Variants in SPIDR observed in about 807,000 individuals in gnomAD.
SPIDR encodes scaffold protein involved in DNA repair, also known as DNA repair-scaffolding protein.
SPIDR carries 93 observed loss-of-function variants against 104.6 expected under a neutral mutation model. The ratio of observed to expected loss-of-function variants is 0.89; its 90% confidence interval spans 0.75 to 1.06. The LOEUF is 1.06. Ranked by LOEUF, SPIDR falls within the 50% of genes least tolerant of loss-of-function variation. The probability of loss-of-function intolerance (pLI) is 0.00; values close to 1 mark genes in which losing one functional copy is unlikely to be tolerated. For missense variants in SPIDR, 1,154 were observed against 1,111.2 expected (o/e 1.04, Z -0.55); for synonymous variants, 431 against 416.9 (o/e 1.03, Z -0.41).
chr8:47,322,225 A>G (rs2046779703), intron 5 of SPIDR, among the ~76,000 whole-genome samples: 1 of 152,228 alleles, frequency 6.6e-6, no homozygotes, highest in African/African-American at 2.4e-5. Context: ...CAGAATCTAC[A>G]ATGAGCTCCA....
In SPIDR at chr8:47,274,869, C is replaced by T. The variant is rs1183224281; in HGVS notation, c.34-4993C>T. ...GATTACAGGCATGAGCCACCGCGCC[C>T]GGCCTAGAACAGTTTTAAACAATTG... On this transcript the variant is annotated intron_variant, in intron 1 of 19. Coordinates refer to ENST00000297423, the MANE Select transcript of SPIDR (RefSeq NM_001080394.4). Among the ~76,000 whole-genome samples, 12 of 151,516 alleles carry T rather than the reference C, an allele frequency of 7.9e-5. No individual in the cohort carries two copies. The East Asian group carries it at 9.8e-4, about 12-fold the overall frequency.
intron 11 of SPIDR, among the ~76,000 whole-genome samples, chr8:47,690,646 C>CCG (rs2078507154): frequency 6.6e-6 from 1 of 151,868 alleles, no homozygotes; most frequent in African/African-American, 2.4e-5. Flanking sequence ...TGGAGAAACT[C>CCG]CATCTCTACT....
chr8:47,675,691 C>G (rs2076343921), intron 11 of SPIDR, among the ~76,000 whole-genome samples: 1 of 152,192 alleles, frequency 6.6e-6, no homozygotes, highest in African/African-American at 2.4e-5. Context: ...TGGCACATGC[C>G]TGTAGTCCCA....
At chr8:47,722,723 C>T (rs1216030282) in intron 16 of SPIDR, among the ~76,000 whole-genome samples, 1 of 152,022 alleles carries the variant, frequency 6.6e-6, no homozygotes, top group Non-Finnish European at 1.5e-5. Context: ...AGTTGAGTAT[C>T]CCATATCCGA....
chr8:47,338,775 A>G (rs933037146), intron 5 of SPIDR, among the ~76,000 whole-genome samples: 1 of 152,230 alleles, frequency 6.6e-6, no homozygotes, highest in Non-Finnish European at 1.5e-5. Context: ...TTATTTATAC[A>G]TAAAGAGGCC....
chr8:47,518,317 C>T (rs1208261140), intron 8 of SPIDR, among the ~76,000 whole-genome samples: 1 of 152,198 alleles, frequency 6.6e-6, no homozygotes, highest in African/African-American at 2.4e-5. Context: ...GAACCTGCTG[C>T]TCCATTTAAT....
intron 8 of SPIDR, 116 bp from the exon 9 acceptor site, chr8:47,595,695 T>C (rs1196734918): frequency 2.2e-6 from 2 of 916,268 alleles, no homozygotes; most frequent in Non-Finnish European, 3.4e-6. Flanking sequence ...GTGGGTGGGC[T>C]TGGCTTTAGC....
At chr8:47,387,291 A>G (rs2060070319) in intron 5 of SPIDR, among the ~76,000 whole-genome samples, 1 of 152,178 alleles carries the variant, frequency 6.6e-6, no homozygotes, top group East Asian at 1.9e-4. Context: ...ACCACAGGGC[A>G]GGTGGGGGGC....
intron 14 of SPIDR, among the ~76,000 whole-genome samples, chr8:47,703,624 G>C (rs2080648233): frequency 6.6e-6 from 1 of 152,180 alleles, no homozygotes; most frequent in Non-Finnish European, 1.5e-5. Flanking sequence ...ACCAAAATTT[G>C]AATTTAACTT....
chr8:47,349,725 A>T (rs2053037058), intron 5 of SPIDR, among the ~76,000 whole-genome samples: 1 of 152,184 alleles, frequency 6.6e-6, no homozygotes, highest in Admixed American at 6.5e-5. Flanking sequence ...TCTATCTCGG[A>T]CTGCTGTGCT....
At chr8:47,314,642 C>G (rs782688984) in intron 5 of SPIDR, among the ~76,000 whole-genome samples, 2 of 152,106 alleles carry the variant, frequency 1.3e-5, no homozygotes, top group African/African-American at 4.8e-5. Context: ...GGTAACTGCT[C>G]CATGATGCAG....
intron 8 of SPIDR, among the ~76,000 whole-genome samples, chr8:47,505,229 G>A (rs1452403735): frequency 1.3e-5 from 2 of 152,216 alleles, no homozygotes; most frequent in African/African-American, 2.4e-5. Context: ...TGCCCCCAGA[G>A]GTGGAGGCTA....
chr8:47,565,118 T>C (rs1428285512), intron 8 of SPIDR, among the ~76,000 whole-genome samples: 1 of 152,200 alleles, frequency 6.6e-6, no homozygotes, highest in Non-Finnish European at 1.5e-5. Context: ...TGGTGGCACA[T>C]GCCTGTAATC....
At chr8:47,676,702 C>G (rs1421181733) in intron 11 of SPIDR, among the ~76,000 whole-genome samples, 2 of 152,190 alleles carry the variant, frequency 1.3e-5, no homozygotes, top group Non-Finnish European at 1.5e-5. Context: ...TATGTTTGGG[C>G]TAAGTCACAG....
At chr8:47,515,903 G>A (rs1356003573) in intron 8 of SPIDR, among the ~76,000 whole-genome samples, 6 of 152,248 alleles carry the variant, frequency 3.9e-5, no homozygotes, top group African/African-American at 1.2e-4. Flanking sequence ...CTCCACTCCC[G>A]GGTTCAAGCG....
At chr8:47,540,316 T>C (rs2087847490) in intron 8 of SPIDR, among the ~76,000 whole-genome samples, 1 of 152,236 alleles carries the variant, frequency 6.6e-6, no homozygotes, top group African/African-American at 2.4e-5. Flanking sequence ...AAGAATTTGC[T>C]AACTTTTTAT....
At chr8:47,403,711 A>G (rs2062263867) in intron 6 of SPIDR, among the ~76,000 whole-genome samples, 1 of 152,230 alleles carries the variant, frequency 6.6e-6, no homozygotes, top group South Asian at 2.1e-4. Context: ...GAGGAAACAA[A>G]TAAATGGAAG....
intron 8 of SPIDR, among the ~76,000 whole-genome samples, chr8:47,490,594 C>T (rs1279242561): frequency 1.3e-5 from 2 of 152,184 alleles, no homozygotes; most frequent in African/African-American, 4.8e-5. Flanking sequence ...TTGGAACCAA[C>T]CCAAATGTCC....
intron 10 of SPIDR, among the ~76,000 whole-genome samples, chr8:47,600,591 C>A (rs1419104513): frequency 6.6e-6 from 1 of 152,152 alleles, no homozygotes; most frequent in Non-Finnish European, 1.5e-5. Flanking sequence ...TCCATTAAAT[C>A]AGTTTTAAGG....
Sources: gnomAD v4.1 joint callset for allele counts (sites outside exome capture counted in the v4.1 genomes callset) on GRCh38, gnomAD v4.1.1 for gene constraint, MANE v1.5 for transcripts, NCBI Gene and HGNC (gene_info 2026-07-23, HGNC 2026-07-21) for gene names.